Variants in UNCX observed in about 807,000 individuals in gnomAD.
UNCX encodes UNC homeobox.
Under a neutral mutation model 14.8 loss-of-function variants are expected in UNCX, and 4 were observed. That is an observed-to-expected ratio of 0.27 (90% CI 0.13 to 0.62). UNCX has a LOEUF of 0.62. Ranked by LOEUF, UNCX falls within the 20% of genes least tolerant of loss-of-function variation. The pLI is 0.86. For missense variants in UNCX, 749 were observed against 786.8 expected (o/e 0.95, Z 0.58); for synonymous variants, 459 against 395.8 (o/e 1.16, Z -1.90).
At position 1,233,663 on chromosome 7, in the gene UNCX, C is replaced by T. The variant is rs764847569; in HGVS notation, c.418C>T (p.Leu140=). The T allele has an allele frequency of 1.2e-6, 2 of 1,611,966 alleles. No individual in the cohort carries two copies. The highest frequency in any genetic ancestry group is 1.1e-5 in the South Asian group (1 of 90,804). Residue 140 remains leucine, a synonymous_variant, in exon 2 of 3, where the codon CTG becomes TTG. Coordinates refer to ENST00000316333, the MANE Select transcript of UNCX (RefSeq NM_001080461.3). The surrounding 1 kb of genome is among the most constrained non-coding windows in gnomAD (Gnocchi z 5.3). ...CGTGTTCATGCGCGAGGCGCTGGCG[C>T]TGCGCCTAGACCTGGTCGAGTCCCG... The part of the protein sequence containing the change: ...PDVFMREALA[L]RLDLVESRVQ...
In UNCX at chr7:1,236,170, C is replaced by G; in HGVS notation, c.789C>G (p.Gly263=). Residue 263 remains glycine (G), a synonymous_variant, in exon 3 of 3, where the codon GGC becomes GGG. Transcript: ENST00000316333. This position sits in a 1 kb window ranked among gnomAD's most constrained non-coding sequence, Gnocchi z 6.9. ...AAKGPGAHAS[G]AAGTAPAPPG... ...AGGGCCCCGGAGCGCACGCCTCGGG[C>G]GCCGCGGGGACCGCGCCCGCCCCTC... 8.3e-7 allele frequency: 1 copy of G among 1,205,084 alleles called. No individual in the cohort carries two copies. The highest frequency in any genetic ancestry group is 4.7e-5 in the East Asian group (1 of 21,120). 74.6% of individuals were successfully genotyped at this position (1,205,084 alleles called of 1,614,324 possible).
intron 2 of UNCX, 42 bp from the exon 3 acceptor site, chr7:1,235,790 C>G: frequency 1.3e-6 from 2 of 1,569,896 alleles, no homozygotes; most frequent in Non-Finnish European, 1.7e-6. Context: ...GGCCAGCCCG[C>G]CGCCTGATTG....
rs1466466663 is a variant in UNCX at position 1,233,730 on chromosome 7, C to A, written c.450+35C>A. 6.4e-7 allele frequency: 1 copy of A among 1,571,356 alleles called. No individual in the cohort carries two copies. Among genetic ancestry groups the A allele is most frequent in the Non-Finnish European group, 8.7e-7 (1 of 1,154,448 alleles). ...CGGCGTCGCTCCCGGATCTGCCATCCGGACCCCAGGCTCTGGGCGCGCCGG... is the reference window on the plus strand; with the variant it reads ...CGGCGTCGCTCCCGGATCTGCCATCAGGACCCCAGGCTCTGGGCGCGCCGG... On this transcript the variant is annotated intron_variant, in intron 2 of 2. Transcript: ENST00000316333. The surrounding 1 kb of genome is among the most constrained non-coding windows in gnomAD (Gnocchi z 5.3).
intron 2 of UNCX, 145 bp from the exon 3 acceptor site, chr7:1,235,687 G>A: frequency 1.4e-6 from 1 of 713,560 alleles, no homozygotes; most frequent in East Asian, 2.8e-5. Context: ...CCCAGCTCAG[G>A]GCCCGCTCGG....
In UNCX at chr7:1,236,140, C is replaced by A; in HGVS notation, c.759C>A (p.Ala253=). 1 of 1,263,648 alleles carries A rather than the reference C, an allele frequency of 7.9e-7. No homozygotes were observed. Among genetic ancestry groups the A allele is most frequent in the Non-Finnish European group, 1.0e-6 (1 of 1,003,914 alleles). 78.3% of individuals were successfully genotyped at this position (1,263,648 alleles called of 1,614,324 possible). Residue 253 remains alanine (A), a synonymous_variant, in exon 3 of 3, where the codon GCC becomes GCA. Coordinates refer to ENST00000316333, the MANE Select transcript of UNCX (RefSeq NM_001080461.3). This position sits in a 1 kb window ranked among gnomAD's most constrained non-coding sequence, Gnocchi z 6.9. ...AGCCGCCCGAGCCGCCGCCGCCCGC[C>A]GCCAAGGGCCCCGGAGCGCACGCCT... ...SPEPPEPPPP[A]AKGPGAHASG...
rs1337050184 is a variant in UNCX, at chr7:1,236,649, C to A, written c.1268C>A (p.Ala423Asp). ...PAVPPAPPAQ[A>D]SFGAFSGPGG... ...GTGCCGCCCGCGCCGCCTGCCCAGG[C>A]CAGTTTCGGGGCCTTCTCGGGGCCC... Residue 423 changes from alanine to aspartate, a missense_variant, in exon 3 of 3, where the codon GCC becomes GAC. Ala to Asp is a moderately radical substitution (Grantham distance 126, BLOSUM62 -2). Transcript: ENST00000316333. The surrounding 1 kb of genome is among the most constrained non-coding windows in gnomAD (Gnocchi z 6.9). The A allele has an allele frequency of 2.4e-5, 25 of 1,035,294 alleles. 1 individual carries two copies. The South Asian group carries it at 1.1e-3, about 44-fold the overall frequency. 64.1% of individuals were successfully genotyped at this position (1,035,294 alleles called of 1,614,324 possible).
At chr7:1,235,685 AG>A in intron 2 of UNCX, 146 bp from the exon 3 acceptor site, 1 of 699,312 alleles carries the variant, frequency 1.4e-6, no homozygotes, top group Non-Finnish European at 2.4e-6. Flanking sequence ...AGCCCAGCTC[AG>A]GGCCCGCTCG....
At position 1,236,487 on chromosome 7, in the gene UNCX, C is replaced by T. The variant is rs1228552445; in HGVS notation, c.1106C>T (p.Pro369Leu). Residue 369 changes from proline to leucine, a missense_variant, in exon 3 of 3, where the codon CCG becomes CTG. This residue lies in a region of UNCX where 552 missense variants were observed against 507.2 expected (regional missense o/e 1.09). Transcript: ENST00000316333. This position sits in a 1 kb window ranked among gnomAD's most constrained non-coding sequence, Gnocchi z 6.9. ...LDFAPGLPCA[P>L]RTLIGKGHFL... Reference sequence around the variant, plus strand: ...TTCGCGCCCGGGCTGCCGTGCGCGCCGCGGACCCTGATCGGCAAGGGCCAC... The same window carrying T: ...TTCGCGCCCGGGCTGCCGTGCGCGCTGCGGACCCTGATCGGCAAGGGCCAC... 6 of 1,399,096 alleles carry T rather than the reference C, an allele frequency of 4.3e-6. 1 individual carries two copies. Among genetic ancestry groups the T allele is most frequent in the Non-Finnish European group, 5.6e-6 (6 of 1,073,006 alleles). 86.7% of individuals were successfully genotyped at this position (1,399,096 alleles called of 1,614,324 possible). A position where few individuals can be genotyped will look rare whatever the true frequency, so the allele number is the denominator to read the frequency against.
rs1179900121 is a variant in UNCX at position 1,236,262 on chromosome 7, G to A, written c.881G>A (p.Gly294Asp). Residue 294 changes from glycine to aspartate, a missense_variant, in exon 3 of 3, where the codon GGC becomes GAC. Physicochemically the swap from Gly to Asp is moderately conservative, Grantham distance 94. Around this residue, in one of 3 missense-constraint regions of UNCX, gnomAD observed 552 missense variants for 507.2 expected, o/e 1.09. Transcript: ENST00000316333. This position sits in a 1 kb window ranked among gnomAD's most constrained non-coding sequence, Gnocchi z 6.9. ...TACCCGAGCCAAAGAAGCGGCGCCG[G>A]CCCACAGCCGCGCCCAGGTCGCCCT... ...AFYPSQRSGA[G>D]PQPRPGRPAD... The A allele has an allele frequency of 2.2e-6, 3 of 1,378,278 alleles. No individual in the cohort carries two copies. The highest frequency in any genetic ancestry group is 1.5e-5 in the African/African-American group (1 of 65,304). 85.4% of individuals were successfully genotyped at this position (1,378,278 alleles called of 1,614,324 possible). A position where few individuals can be genotyped will look rare whatever the true frequency, so the allele number is the denominator to read the frequency against.
intron 2 of UNCX, among the ~76,000 whole-genome samples, chr7:1,234,445 C>G (rs1343995074): frequency 6.6e-6 from 1 of 151,866 alleles, no homozygotes; most frequent in Non-Finnish European, 1.5e-5. Context: ...AAATGTTTCC[C>G]TGGAGCAAAG....
Position 1,233,628 on chromosome 7 carries a change from A to G in UNCX, c.383A>G (p.His128Arg). The part of the protein sequence containing the change: ...EELEKAFNES[H>R]YPDVFMREAL... Reference sequence around the variant, plus strand: ...CTGGAGAAGGCGTTCAACGAGAGCCACTATCCCGACGTGTTCATGCGCGAG... The same window carrying G: ...CTGGAGAAGGCGTTCAACGAGAGCCGCTATCCCGACGTGTTCATGCGCGAG... Residue 128 changes from histidine to arginine, a missense_variant, in exon 2 of 3, where the codon CAC becomes CGC. Transcript: ENST00000316333. This position sits in a 1 kb window ranked among gnomAD's most constrained non-coding sequence, Gnocchi z 5.3. 6.2e-7 allele frequency: 1 copy of G among 1,613,148 alleles called. No homozygotes were observed. The highest frequency in any genetic ancestry group is 8.5e-7 in the Non-Finnish European group (1 of 1,179,838).
rs1584081451 is a variant in UNCX, at chr7:1,233,796, G to C, written c.450+101G>C. 7.1e-7 allele frequency: 1 copy of C among 1,414,704 alleles called. No homozygotes were observed. The highest frequency in any genetic ancestry group is 2.6e-5 in the East Asian group (1 of 39,118). 87.6% of individuals were successfully genotyped at this position (1,414,704 alleles called of 1,614,324 possible). Reference sequence around the variant, plus strand: ...GGTGGCGAGATATCGTCCCCTTGCCGCGGGCCCGCTTCGCGCTCGCCTGCT... The same window carrying C: ...GGTGGCGAGATATCGTCCCCTTGCCCCGGGCCCGCTTCGCGCTCGCCTGCT... On this transcript the variant is annotated intron_variant, in intron 2 of 2. Transcript: ENST00000316333. The surrounding 1 kb of genome is among the most constrained non-coding windows in gnomAD (Gnocchi z 5.3).
Position 1,233,164 on chromosome 7 carries a change from G to A in UNCX, c.147G>A (p.Ser49=). 6.8e-7 allele frequency: 1 copy of A among 1,463,354 alleles called. No individual in the cohort carries two copies. The highest frequency in any genetic ancestry group is 9.0e-7 in the Non-Finnish European group (1 of 1,111,558). The allele number at this position is 1,463,354 out of a possible 1,614,324, so 90.6% of individuals were successfully genotyped here. A position where few individuals can be genotyped will look rare whatever the true frequency, so the allele number is the denominator to read the frequency against. The change falls in exon 1 of 3, where the codon TCG becomes TCA. Residue 49 remains serine, a synonymous_variant. Transcript: ENST00000316333. This position sits in a 1 kb window ranked among gnomAD's most constrained non-coding sequence, Gnocchi z 5.3. ...TGCAGTCGGCCGCCGCCGCCGCCTC[G>A]GTGCCCTTCTCCATCGACGGCCTGC... The part of the protein sequence containing the change: ...HQLQSAAAAA[S]VPFSIDGLLG...
Position 1,236,953 on chromosome 7 carries a change from G to A in UNCX, c.1572G>A (p.Glu524=). ...CGGCGGCCGGACCCAGCCCGCCGGA[G>A]GGCGAGGAGCTGGACATGGACTGAG... ...PGAAAGPSPP[E]GEELDMD The change falls in exon 3 of 3, where the codon GAG becomes GAA. Residue 524 remains glutamate, a synonymous_variant. Coordinates refer to ENST00000316333, the MANE Select transcript of UNCX (RefSeq NM_001080461.3). This position sits in a 1 kb window ranked among gnomAD's most constrained non-coding sequence, Gnocchi z 6.9. 8.3e-7 allele frequency: 1 copy of A among 1,198,670 alleles called. No homozygotes were observed. Among genetic ancestry groups the A allele is most frequent in the Non-Finnish European group, 1.0e-6 (1 of 966,344 alleles). The allele number at this position is 1,198,670 out of a possible 1,614,324, so 74.3% of individuals were successfully genotyped here. A position where few individuals can be genotyped will look rare whatever the true frequency, so the allele number is the denominator to read the frequency against.
rs781616905 is a variant in UNCX at position 1,236,122 on chromosome 7, C to T, written c.741C>T (p.Pro247=). 1.4e-5 allele frequency: 19 copies of T among 1,313,986 alleles called. 1 individual carries two copies. In the South Asian group the frequency reaches 3.6e-4, roughly 25 times the overall value. 81.4% of individuals were successfully genotyped at this position (1,313,986 alleles called of 1,614,324 possible). The change falls in exon 3 of 3, where the codon CCC becomes CCT. Residue 247 remains proline, a synonymous_variant. Transcript: ENST00000316333. This position sits in a 1 kb window ranked among gnomAD's most constrained non-coding sequence, Gnocchi z 6.9. ...GCGGCGGCCTGTCTCCGGAGCCGCC[C>T]GAGCCGCCGCCGCCCGCCGCCAAGG... ...SGGGGLSPEP[P]EPPPPAAKGP... is the part of the protein sequence containing the mutation.
rs1778737108 is a variant in UNCX, at chr7:1,236,202, A to G, written c.821A>G (p.Glu274Gly). The G allele has an allele frequency of 7.6e-7, 1 of 1,313,884 alleles. No individual in the cohort carries two copies. Among genetic ancestry groups the G allele is most frequent in the Non-Finnish European group, 9.8e-7 (1 of 1,020,160 alleles). 81.4% of individuals were successfully genotyped at this position (1,313,884 alleles called of 1,614,324 possible). Residue 274 changes from glutamate (E) to glycine (G), a missense_variant, in exon 3 of 3, where the codon GAG becomes GGG. Around this residue, in one of 3 missense-constraint regions of UNCX, gnomAD observed 552 missense variants for 507.2 expected, o/e 1.09. Coordinates refer to ENST00000316333, the MANE Select transcript of UNCX (RefSeq NM_001080461.3). This position sits in a 1 kb window ranked among gnomAD's most constrained non-coding sequence, Gnocchi z 6.9. ...AAGTAPAPPGEPPAPGTCDPA... is the reference protein window; with the variant it reads ...AAGTAPAPPGGPPAPGTCDPA... ...GGGACCGCGCCCGCCCCTCCCGGCG[A>G]GCCGCCTGCACCCGGCACCTGCGAC...
At position 1,233,060 on chromosome 7, in the gene UNCX, G is replaced by A. The variant is rs773242670; in HGVS notation, c.43G>A (p.Gly15Arg). 9 of 1,421,090 alleles carry A rather than the reference G, an allele frequency of 6.3e-6. No individual in the cohort carries two copies. Among genetic ancestry groups the A allele is most frequent in the Non-Finnish European group, 8.3e-6 (9 of 1,085,420 alleles). The allele number at this position is 1,421,090 out of a possible 1,614,324, so 88.0% of individuals were successfully genotyped here. ...CCTGGAACACCCGCATGCCCAGTTCGGGGGCTCGCTGGGCGGCGTGGTGGG... is the reference window on the plus strand; with the variant it reads ...CCTGGAACACCCGCATGCCCAGTTCAGGGGCTCGCTGGGCGGCGTGGTGGG... Reference protein sequence around the residue: ...RLLEHPHAQFGGSLGGVVGFP... With the variant: ...RLLEHPHAQFRGSLGGVVGFP... The change falls in exon 1 of 3, where the codon GGG becomes AGG. Residue 15 changes from glycine (G) to arginine (R), a missense_variant. By Grantham distance (125) the Gly-to-Arg change is moderately radical. Around this residue, in one of 3 missense-constraint regions of UNCX, gnomAD observed 155 missense variants for 166.7 expected, o/e 0.93. Coordinates refer to ENST00000316333, the MANE Select transcript of UNCX (RefSeq NM_001080461.3). The surrounding 1 kb of genome is among the most constrained non-coding windows in gnomAD (Gnocchi z 5.3).
chr7:1,233,843 G>T lies in UNCX; in HGVS notation c.450+148G>T. 3.8e-6 allele frequency: 4 copies of T among 1,047,222 alleles called. No individual in the cohort carries two copies. Among genetic ancestry groups the T allele is most frequent in the Non-Finnish European group, 5.3e-6 (4 of 757,618 alleles). 64.9% of individuals were successfully genotyped at this position (1,047,222 alleles called of 1,614,324 possible). ...TGCTGGGGAAGAGTGGAGGGGTGGGGGTTCTGGGGCTCGGCCCCTCACGGA... is the reference window on the plus strand; with the variant it reads ...TGCTGGGGAAGAGTGGAGGGGTGGGTGTTCTGGGGCTCGGCCCCTCACGGA... On this transcript the variant is annotated intron_variant, in intron 2 of 2. Coordinates refer to ENST00000316333, the MANE Select transcript of UNCX (RefSeq NM_001080461.3). This position sits in a 1 kb window ranked among gnomAD's most constrained non-coding sequence, Gnocchi z 5.3.
Position 1,233,387 on chromosome 7 carries a change from G to C in UNCX, c.274+96G>C. On this transcript the variant is annotated intron_variant, in intron 1 of 2. Transcript: ENST00000316333. This position sits in a 1 kb window ranked among gnomAD's most constrained non-coding sequence, Gnocchi z 5.3. Reference sequence around the variant, plus strand: ...TGGGGGGCCCGGGGCTGGCGAAGGAGAGCCGGCTCCTAGGCGGCCGTCTCT... The same window carrying C: ...TGGGGGGCCCGGGGCTGGCGAAGGACAGCCGGCTCCTAGGCGGCCGTCTCT... 5 of 1,354,632 alleles carry C rather than the reference G, an allele frequency of 3.7e-6. No homozygotes were observed. Among genetic ancestry groups the C allele is most frequent in the South Asian group, 1.7e-5 (1 of 58,718 alleles). 83.9% of individuals were successfully genotyped at this position (1,354,632 alleles called of 1,614,324 possible).
Sources: gnomAD v4.1 joint callset for allele counts (sites outside exome capture counted in the v4.1 genomes callset) on GRCh38, gnomAD v4.1.1 for gene constraint, gnomAD v4.1.1 regional missense constraint, Gnocchi (gnomAD v3.1) non-coding constraint, MANE v1.5 for transcripts, NCBI Gene and HGNC (gene_info 2026-07-23, HGNC 2026-07-21) for gene names.